The following POU2F1 variants were observed in gnomAD, a reference collection of about 807,000 sequenced individuals.
The protein encoded by POU2F1 is POU domain, class 2, transcription factor 1.
In POU2F1, 16 loss-of-function variants were observed where a neutral mutation model predicts 84.9. That is an observed-to-expected ratio of 0.19 (90% CI 0.13 to 0.29). The LOEUF is 0.29. POU2F1 is among the 10% of genes least tolerant of loss of function. The pLI, the probability that POU2F1 is intolerant of heterozygous loss-of-function variation, is 1.00. For missense variants in POU2F1, 738 were observed against 942.6 expected, an observed-to-expected ratio of 0.78 and a Z score of 2.84; for synonymous variants, 368 against 368.3, an observed-to-expected ratio of 1.00 and a Z score of 0.01.
chr1:167,405,894 T>C (rs1482060791), intron 13 of POU2F1, among the ~76,000 whole-genome samples: 1 of 152,240 alleles, frequency 6.6e-6, no homozygotes, highest in Non-Finnish European at 1.5e-5. Flanking sequence ...ATACAAAGTG[T>C]GTTGTCTGAT....
At chr1:167,398,980 A>G (rs1241731221) in intron 11 of POU2F1, among the ~76,000 whole-genome samples, 1 of 152,220 alleles carries the variant, frequency 6.6e-6, no homozygotes, top group Non-Finnish European at 1.5e-5. Context: ...ATATTTAAGG[A>G]TAACTTATCC....
chr1:167,377,833 C>T (rs765329294), intron 7 of POU2F1, among the ~76,000 whole-genome samples: 9 of 152,240 alleles, frequency 5.9e-5, no homozygotes, highest in Middle Eastern at 3.4e-3. Context: ...CCTCTACCCT[C>T]AAGTAGGCCC....
intron 1 of POU2F1, chr1:167,241,532 G>A (rs1253310683): frequency 6.6e-6 from 1 of 152,196 alleles, no homozygotes; most frequent in Admixed American, 6.5e-5. Context: ...TTTGTTGGAT[G>A]TGATGAAGGA....
rs1647815322 is a variant in POU2F1, at chr1:167,384,537, G to A, written c.813+586G>A. 2.6e-5 allele frequency among the ~76,000 whole-genome samples: 4 copies of A among 152,086 alleles called. No individual in the cohort carries two copies. In the South Asian group the frequency reaches 8.3e-4, roughly 32 times the overall value. ...CTTCTCATCTATAAATTAGGTGACT[G>A]AACTGGCTGATCCTGAATCTCCTTC... On this transcript the variant is annotated intron_variant, in intron 8 of 15. Transcript: ENST00000367866.
intron 2 of POU2F1, among the ~76,000 whole-genome samples, chr1:167,359,200 A>C (rs1041743597): frequency 2.6e-5 from 4 of 151,990 alleles, no homozygotes; most frequent in Non-Finnish European, 5.9e-5. Flanking sequence ...TAAAAAAAAA[A>C]AAACTATTTT....
chr1:167,300,880 C>T (rs1215847758), intron 1 of POU2F1, among the ~76,000 whole-genome samples: 1 of 152,170 alleles, frequency 6.6e-6, no homozygotes, highest in Non-Finnish European at 1.5e-5. Context: ...AGGCAGTTCT[C>T]CTACCTCAGC....
At chr1:167,381,551 G>A (rs1277279074) in intron 7 of POU2F1, among the ~76,000 whole-genome samples, 1 of 147,162 alleles carries the variant, frequency 6.8e-6, no homozygotes, top group East Asian at 2.0e-4. Context: ...CTCCTATGTT[G>A]AAATAGCCTA....
intron 1 of POU2F1, among the ~76,000 whole-genome samples, chr1:167,253,095 A>G (rs1465038123): frequency 1.3e-5 from 2 of 152,264 alleles, no homozygotes; most frequent in Admixed American, 1.3e-4. Context: ...AGAGCATGCT[A>G]TGATGAATTT....
At chr1:167,381,956 A>G (rs1043473901) in intron 7 of POU2F1, among the ~76,000 whole-genome samples, 3 of 143,314 alleles carry the variant, frequency 2.1e-5, no homozygotes, top group African/African-American at 7.8e-5. Context: ...GTCTTTTCAA[A>G]ACAATTTTAT....
At position 167,426,252 on chromosome 1, in the gene POU2F1, G is replaced by A. The variant is rs1014850753; in HGVS notation, c.*10442G>A. ...TCTGGGATATTAAAAAAAAAATGTC[G>A]TTTAACTTCTTGTTTGTTTCAGTGT... is the stretch of plus-strand genomic sequence containing the variant. On this transcript the variant is annotated 3_prime_UTR_variant, in exon 16 of 16. Coordinates refer to ENST00000367866, the MANE Select transcript of POU2F1 (RefSeq NM_002697.4). 4 of 151,814 alleles carry A rather than the reference G, an allele frequency of 2.6e-5. No homozygotes were observed. The highest frequency in any genetic ancestry group is 2.1e-4 in the South Asian group (1 of 4,794). The allele number at this position is 151,814 out of a possible 1,614,324, so 9.4% of individuals were successfully genotyped here. A position where few individuals can be genotyped will look rare whatever the true frequency, so the allele number is the denominator to read the frequency against.
chr1:167,320,427 A>C (rs1439581075), intron 1 of POU2F1, among the ~76,000 whole-genome samples: 6 of 152,242 alleles, frequency 3.9e-5, no homozygotes, highest in Non-Finnish European at 1.5e-5. Flanking sequence ...TATTTTCAAA[A>C]ATTGAAACAG....
intron 1 of POU2F1, among the ~76,000 whole-genome samples, chr1:167,289,845 G>T (rs553222081): frequency 6.6e-6 from 1 of 151,996 alleles, no homozygotes; most frequent in Non-Finnish European, 1.5e-5. Context: ...CAGTTTTTTT[G>T]TGACCCCATT....
intron 1 of POU2F1, among the ~76,000 whole-genome samples, chr1:167,273,350 T>C (rs1652505101): frequency 6.6e-6 from 1 of 152,216 alleles, no homozygotes; most frequent in Non-Finnish European, 1.5e-5. Context: ...ACAGCTCCAG[T>C]AGGCACTGCC....
intron 1 of POU2F1, among the ~76,000 whole-genome samples, chr1:167,229,162 A>AT (rs5778543): frequency 0.75 from 111,910 of 149,230 alleles, 42,200 homozygotes; most frequent in South Asian, 0.86. Flanking sequence ...AAGTCACTGA[A>AT]TTTTTTTTTT....
chr1:167,301,884 T>C (rs1411542962), intron 1 of POU2F1, among the ~76,000 whole-genome samples: 1 of 152,172 alleles, frequency 6.6e-6, no homozygotes, highest in African/African-American at 2.4e-5. Context: ...TCTTAAAGTA[T>C]GGACAGATCA....
At chr1:167,284,699 C>CACAAT in intron 1 of POU2F1, among the ~76,000 whole-genome samples, 1 of 152,124 alleles carries the variant, frequency 6.6e-6, no homozygotes. Flanking sequence ...TTTTCCTCTT[C>CACAAT]AAAGGGGCTT....
intron 1 of POU2F1, among the ~76,000 whole-genome samples, chr1:167,321,593 A>G (rs1298652256): frequency 1.3e-5 from 2 of 152,190 alleles, no homozygotes; most frequent in Non-Finnish European, 2.9e-5. Flanking sequence ...CTAATTGTTC[A>G]GTTACTAAGT....
chr1:167,261,788 G>A (rs1279184289), intron 1 of POU2F1, among the ~76,000 whole-genome samples: 3 of 152,144 alleles, frequency 2.0e-5, no homozygotes, highest in Admixed American at 1.3e-4. Flanking sequence ...AGGTTCAAAC[G>A]ATTCTCATAC....
rs560670645 is a variant in POU2F1 at position 167,365,474 on chromosome 1, A to G, written c.135A>G (p.Gln45=). ...MESGDGNTGT[Q]TNGLDFQKQP... Reference sequence around the variant, plus strand: ...ATTTTGCTTGCTTTCTAGGCACACAAACCAATGGTCTGGACTTTCAGAAGC... The same window carrying G: ...ATTTTGCTTGCTTTCTAGGCACACAGACCAATGGTCTGGACTTTCAGAAGC... Residue 45 remains glutamine, a synonymous_variant, in exon 3 of 16, where the codon CAA becomes CAG. Transcript: ENST00000367866. 4.4e-6 allele frequency: 7 copies of G among 1,586,730 alleles called. No individual in the cohort carries two copies. The highest frequency in any genetic ancestry group is 6.0e-6 in the Non-Finnish European group (7 of 1,168,394).
Sources: allele counts gnomAD v4.1 joint callset (sites outside exome capture counted in the v4.1 genomes callset), GRCh38; gene constraint gnomAD v4.1.1; transcripts MANE v1.5; gene names NCBI Gene and HGNC (gene_info 2026-07-23, HGNC 2026-07-21).